The following AFAP1L1 variants were observed in gnomAD, a reference collection of about 807,000 sequenced individuals.
AFAP1L1 encodes the protein actin filament-associated protein 1-like 1.
A neutral mutation model predicts 99.8 loss-of-function variants in AFAP1L1; 77 were observed. That is an observed-to-expected ratio of 0.77 (90% CI 0.64 to 0.93). AFAP1L1 has a LOEUF of 0.93. Ranked by LOEUF, AFAP1L1 falls within the 40% of genes least tolerant of loss-of-function variation. The pLI is 0.00. For synonymous variants in AFAP1L1, 373 were observed against 395.3 expected (o/e 0.94, Z 0.67); for missense variants, 893 against 996.8 (o/e 0.90, Z 1.40).
chr5:149,312,812 G>C (rs894951154), intron 9 of AFAP1L1, among the ~76,000 whole-genome samples: 1 of 151,048 alleles, frequency 6.6e-6, no homozygotes, highest in African/African-American at 2.4e-5. Context: ...AAAAGAGAGA[G>C]AGAGAAAGAA....
chr5:149,324,664 T>C (rs1301559909), intron 15 of AFAP1L1, among the ~76,000 whole-genome samples: 1 of 152,196 alleles, frequency 6.6e-6, no homozygotes, highest in East Asian at 1.9e-4. Flanking sequence ...TTGGGGTCTC[T>C]CATGAGATCT....
Position 149,322,640 on chromosome 5 carries a change from T to G in AFAP1L1, c.1733T>G (p.Val578Gly). Reference protein sequence around the residue: ...EEPERPTGAQVKRHASSCSEK... With the variant: ...EEPERPTGAQGKRHASSCSEK... ...CCCGAGCGCCCCACAGGGGCCCAGG[T>G]GAAGCGTCACGCCTCCTCCTGCAGT... Residue 578 changes from valine to glycine, a missense_variant, in exon 15 of 19, where the codon GTG becomes GGG. Coordinates refer to ENST00000296721, the MANE Select transcript of AFAP1L1 (RefSeq NM_152406.4). 6.3e-7 allele frequency: 1 copy of G among 1,589,630 alleles called. No homozygotes were observed. The highest frequency in any genetic ancestry group is 8.6e-7 in the Non-Finnish European group (1 of 1,167,240).
intron 11 of AFAP1L1, among the ~76,000 whole-genome samples, chr5:149,317,108 T>C (rs1756819344): frequency 6.6e-6 from 1 of 152,182 alleles, no homozygotes; most frequent in Non-Finnish European, 1.5e-5. Context: ...GAGGCTGCAG[T>C]GAGCCGTGAT....
rs909780001 is a variant in AFAP1L1 at position 149,290,416 on chromosome 5, C to T, written c.17-9093C>T. On this transcript the variant is annotated intron_variant, in intron 1 of 18. Transcript: ENST00000296721. ...TTCCCGCTAGTGAGGTAGATATGCT[C>T]ACGTTACTGATGGTGTACATGAGGC... Among the ~76,000 whole-genome samples, 19 of 152,174 alleles carry T rather than the reference C, an allele frequency of 1.2e-4. 1 individual carries two copies. The highest frequency in any genetic ancestry group is 2.8e-4 in the Non-Finnish European group (19 of 68,044).
rs1468075752 is a variant in AFAP1L1 at position 149,343,018 on chromosome 5, T to A, written c.*2988T>A. On this transcript the variant is annotated 3_prime_UTR_variant, in exon 19 of 19. Coordinates refer to ENST00000296721, the MANE Select transcript of AFAP1L1 (RefSeq NM_152406.4). ...CTGTCAGAATTCTACTGTCACTGTT[T>A]CCTTATTGCGGGATCTTGCATAGGT... is the stretch of plus-strand genomic sequence containing the variant. Among the ~76,000 whole-genome samples the A allele has an allele frequency of 6.6e-6, 1 of 152,206 alleles. No homozygotes were observed. Among genetic ancestry groups the A allele is most frequent in the Admixed American group, 6.5e-5 (1 of 15,288 alleles).
At chr5:149,300,731 G>T (rs1756176647) in intron 3 of AFAP1L1, among the ~76,000 whole-genome samples, 1 of 152,236 alleles carries the variant, frequency 6.6e-6, no homozygotes, top group East Asian at 1.9e-4. Flanking sequence ...TGAGCTGGCT[G>T]CATGCAGAGT....
At chr5:149,339,878 GA>G in intron 18 of AFAP1L1, 128 bp from the exon 19 acceptor site, 3 of 791,418 alleles carry the variant, frequency 3.8e-6, no homozygotes, top group Middle Eastern at 2.4e-4. Flanking sequence ...GAAAGAGAGA[GA>G]GGGGGTTAGA....
chr5:149,319,463 C>A, intron 12 of AFAP1L1, 119 bp from the exon 13 acceptor site: 1 of 1,168,384 alleles, frequency 8.6e-7, no homozygotes, highest in East Asian at 2.5e-5. Flanking sequence ...CCTCTTTGAC[C>A]CGAGTATCGG....
intron 15 of AFAP1L1, among the ~76,000 whole-genome samples, chr5:149,323,159 TAGAG>T (rs549144721): frequency 4.8e-4 from 73 of 152,106 alleles, no homozygotes; most frequent in Admixed American, 8.5e-4. Context: ...TGAGGCCAAA[TAGAG>T]AGAGAGAGAT....
intron 1 of AFAP1L1, among the ~76,000 whole-genome samples, chr5:149,287,261 A>G (rs1254373619): frequency 6.6e-6 from 1 of 152,234 alleles, no homozygotes; most frequent in East Asian, 1.9e-4. Context: ...AAAATTTAAA[A>G]TAATATTTTC....
chr5:149,322,202 A>G (rs1453512219), intron 14 of AFAP1L1, among the ~76,000 whole-genome samples: 4 of 152,210 alleles, frequency 2.6e-5, no homozygotes, highest in African/African-American at 4.8e-5. Flanking sequence ...TGTCACTTCT[A>G]TCACTGGCTC....
intron 3 of AFAP1L1, among the ~76,000 whole-genome samples, 177 bp downstream of exon 3, chr5:149,300,531 G>A (rs979441891): frequency 6.6e-6 from 1 of 152,238 alleles, no homozygotes; most frequent in South Asian, 2.1e-4. Flanking sequence ...AGTCTGCATA[G>A]GAATAGGAAT....
chr5:149,303,341 G>A (rs1581313494), intron 5 of AFAP1L1, among the ~76,000 whole-genome samples: 2 of 152,128 alleles, frequency 1.3e-5, no homozygotes, highest in East Asian at 1.9e-4. Context: ...TCTTTTCATC[G>A]GCTTCCTCCA....
chr5:149,329,410 G>T (rs1757187049), intron 15 of AFAP1L1, among the ~76,000 whole-genome samples: 2 of 152,124 alleles, frequency 1.3e-5, no homozygotes, highest in South Asian at 4.2e-4. Flanking sequence ...CACAACCTTT[G>T]ACCAGCTGAA....
chr5:149,293,433 A>G (rs1755921925), intron 1 of AFAP1L1, among the ~76,000 whole-genome samples: 1 of 152,236 alleles, frequency 6.6e-6, no homozygotes, highest in Non-Finnish European at 1.5e-5. Flanking sequence ...CTTAACACAA[A>G]ATACTTTTTC....
intron 1 of AFAP1L1, among the ~76,000 whole-genome samples, chr5:149,274,765 G>A (rs1383365777): frequency 6.6e-6 from 1 of 151,868 alleles, no homozygotes; most frequent in Non-Finnish European, 1.5e-5. Flanking sequence ...TGTAATCCCA[G>A]CTACTCGAGA....
intron 1 of AFAP1L1, among the ~76,000 whole-genome samples, chr5:149,272,389 G>C (rs187804975): frequency 3.0e-4 from 46 of 152,308 alleles, no homozygotes; most frequent in Non-Finnish European, 5.1e-4. Context: ...AGCTCTAGGG[G>C]ACCGAAGTTT....
intron 5 of AFAP1L1, 123 bp downstream of exon 5, chr5:149,302,649 T>C: frequency 1.1e-6 from 1 of 871,282 alleles, no homozygotes; most frequent in Non-Finnish European, 1.7e-6. Flanking sequence ...CATGTCACCA[T>C]TGGCTTAGGA....
intron 1 of AFAP1L1, among the ~76,000 whole-genome samples, chr5:149,272,519 C>A (rs922765724): frequency 2.0e-5 from 3 of 152,200 alleles, no homozygotes; most frequent in African/African-American, 7.2e-5. Context: ...GCTGTGTCCT[C>A]GGCCCAGCCC....
Sources: gnomAD v4.1 joint callset for allele counts (sites outside exome capture counted in the v4.1 genomes callset) on GRCh38, gnomAD v4.1.1 for gene constraint, MANE v1.5 for transcripts, NCBI Gene and HGNC (gene_info 2026-07-23, HGNC 2026-07-21) for gene names.